Variants in PDE3A observed in about 807,000 individuals in gnomAD.
PDE3A encodes phosphodiesterase 3A, also known as cGMP-inhibited 3',5'-cyclic phosphodiesterase 3A.
PDE3A carries 43 observed loss-of-function variants against 98.3 expected under a neutral mutation model. The ratio of observed to expected loss-of-function variants is 0.44; its 90% confidence interval spans 0.34 to 0.56. PDE3A has a LOEUF of 0.56. Ranked by LOEUF, PDE3A falls within the 20% of genes least tolerant of loss-of-function variation. The pLI is 0.01. For synonymous variants in PDE3A, 663 were observed against 567.9 expected (o/e 1.17, Z -2.38); for missense variants, 1,427 against 1,440.7 (o/e 0.99, Z 0.15).
chr12:20,665,406 T>C (rs1945283972), intron 15 of PDE3A, among the ~76,000 whole-genome samples: 1 of 152,176 alleles, frequency 6.6e-6, no homozygotes, highest in African/African-American at 2.4e-5. Flanking sequence ...TCTGTGAAAA[T>C]TTTTCTTAAT....
rs1945928026 is a variant in PDE3A, at chr12:20,685,344, G to A, written c.*5073G>A. 6.8e-6 allele frequency among the ~76,000 whole-genome samples: 1 copy of A among 146,424 alleles called. No individual in the cohort carries two copies. Among genetic ancestry groups the A allele is most frequent in the Non-Finnish European group, 1.5e-5 (1 of 67,368 alleles). On this transcript the variant is annotated 3_prime_UTR_variant, in exon 16 of 16. Coordinates refer to ENST00000359062, the MANE Select transcript of PDE3A (RefSeq NM_000921.5). ...GAATCGCTTGAACCTGGGAGGCAGA[G>A]GTTATGGTGAGCTGAGATTGCACCA...
intron 2 of PDE3A, among the ~76,000 whole-genome samples, chr12:20,578,160 C>G (rs1422575970): frequency 6.6e-6 from 1 of 152,098 alleles, no homozygotes; most frequent in African/African-American, 2.4e-5. Context: ...AGGAGTTAGT[C>G]TAATATGCTC....
chr12:20,558,347 T>A (rs1182714922), intron 2 of PDE3A, among the ~76,000 whole-genome samples: 4 of 152,028 alleles, frequency 2.6e-5, no homozygotes, highest in African/African-American at 9.7e-5. Flanking sequence ...TTTTCATAAA[T>A]AAAATTTGAT....
At chr12:20,666,129 T>A (rs1027265619) in intron 15 of PDE3A, among the ~76,000 whole-genome samples, 1 of 151,852 alleles carries the variant, frequency 6.6e-6, no homozygotes, top group Non-Finnish European at 1.5e-5. Context: ...CATGCCCGGC[T>A]AATTTTTGTA....
chr12:20,408,571 CATTTTT>C (rs1262699667), intron 1 of PDE3A, among the ~76,000 whole-genome samples: 2 of 152,102 alleles, frequency 1.3e-5, no homozygotes, highest in African/African-American at 4.8e-5. Context: ...GGTCATTTTT[CATTTTT>C]ATTTCAAAGA....
chr12:20,418,459 G>A (rs1383568570), intron 1 of PDE3A, among the ~76,000 whole-genome samples: 2 of 152,064 alleles, frequency 1.3e-5, no homozygotes, highest in South Asian at 2.1e-4. Flanking sequence ...ACCTCACCCC[G>A]GTTGCATCTT....
At chr12:20,530,985 T>A (rs149293916) in intron 1 of PDE3A, among the ~76,000 whole-genome samples, 3,088 of 152,274 alleles carry the variant, frequency 0.02, 61 homozygotes, top group Middle Eastern at 0.12. Context: ...CTCTCCCTTA[T>A]GATAATCCAG....
intron 15 of PDE3A, among the ~76,000 whole-genome samples, chr12:20,672,558 A>G (rs1945514703): frequency 6.6e-6 from 1 of 150,950 alleles, no homozygotes; most frequent in South Asian, 2.1e-4. Flanking sequence ...ATCTACAACT[A>G]TCTGATCTTT....
At chr12:20,649,685 G>A (rs747295982) in intron 13 of PDE3A, among the ~76,000 whole-genome samples, 1 of 152,118 alleles carries the variant, frequency 6.6e-6, no homozygotes, top group Non-Finnish European at 1.5e-5. Context: ...CAACACTTTG[G>A]GAGGCCGAGG....
At chr12:20,630,172 T>C in intron 6 of PDE3A, 45 bp downstream of exon 6, 2 of 1,363,246 alleles carry the variant, frequency 1.5e-6, no homozygotes, top group South Asian at 1.2e-5. Context: ...AAAACGATGA[T>C]AGTTTTCCCC....
At position 20,687,085 on chromosome 12, in the gene PDE3A, A is replaced by C. The variant is rs947930000; in HGVS notation, c.*6814A>C. On this transcript the variant is annotated 3_prime_UTR_variant, in exon 16 of 16. Coordinates refer to ENST00000359062, the MANE Select transcript of PDE3A (RefSeq NM_000921.5). ...ACTTGAATAACTTTTGAAGAGAAAG[A>C]TTTTCTTTCCGGTAATTTTACTCCC... Among the ~76,000 whole-genome samples, 8 of 152,024 alleles carry C rather than the reference A, an allele frequency of 5.3e-5. No individual in the cohort carries two copies. In the East Asian group the frequency reaches 1.4e-3, roughly 26 times the overall value.
chr12:20,407,467 A>G (rs1365512071), intron 1 of PDE3A, among the ~76,000 whole-genome samples: 4 of 152,250 alleles, frequency 2.6e-5, no homozygotes, highest in African/African-American at 9.6e-5. Flanking sequence ...AAGTATCTTC[A>G]TGTAGGTATT....
chr12:20,410,878 A>G (rs888547455), intron 1 of PDE3A, among the ~76,000 whole-genome samples: 1 of 152,226 alleles, frequency 6.6e-6, no homozygotes, highest in African/African-American at 2.4e-5. Flanking sequence ...ATAAAAGCCA[A>G]CATATTTCCT....
At chr12:20,389,682 A>G (rs1943879018) in intron 1 of PDE3A, among the ~76,000 whole-genome samples, 1 of 152,024 alleles carries the variant, frequency 6.6e-6, no homozygotes, top group African/African-American at 2.4e-5. Context: ...AAGATACTAC[A>G]GTAACAAATG....
intron 1 of PDE3A, among the ~76,000 whole-genome samples, chr12:20,508,668 G>A (rs1034237626): frequency 5.3e-5 from 8 of 151,828 alleles, no homozygotes; most frequent in African/African-American, 1.7e-4. Flanking sequence ...TAGATGAAGC[G>A]GTTAGAATAT....
chr12:20,382,970 T>C (rs11045198), intron 1 of PDE3A, among the ~76,000 whole-genome samples: 39,885 of 151,832 alleles, frequency 0.26, 6,105 homozygotes, highest in East Asian at 0.4. Flanking sequence ...AAAACAGTAT[T>C]AGGGAGTTAA....
chr12:20,481,889 C>T (rs559871864), intron 1 of PDE3A, among the ~76,000 whole-genome samples: 27 of 149,728 alleles, frequency 1.8e-4, no homozygotes, highest in African/African-American at 4.9e-4. Context: ...CTCAGCCTCC[C>T]GAGTAGCTGG....
intron 15 of PDE3A, among the ~76,000 whole-genome samples, chr12:20,668,154 G>A (rs1303392267): frequency 1.3e-5 from 2 of 152,182 alleles, no homozygotes; most frequent in African/African-American, 2.4e-5. Context: ...CTTAAAAAAC[G>A]GCGCACCATG....
intron 15 of PDE3A, among the ~76,000 whole-genome samples, chr12:20,663,692 T>G (rs1270696742): frequency 6.6e-6 from 1 of 152,186 alleles, no homozygotes; most frequent in Admixed American, 6.5e-5. Context: ...CATCATTGTA[T>G]CTGGGAAGTA....
Sources: allele counts gnomAD v4.1 joint callset (sites outside exome capture counted in the v4.1 genomes callset), GRCh38; gene constraint gnomAD v4.1.1; transcripts MANE v1.5; gene names NCBI Gene and HGNC (gene_info 2026-07-23, HGNC 2026-07-21).